The following TULP3 variants were observed in gnomAD, a reference collection of about 807,000 sequenced individuals.
The protein encoded by TULP3 is TUB like protein 3, also known as tubby-related protein 3.
TULP3 carries 38 observed loss-of-function variants against 50.7 expected under a neutral mutation model. That is an observed-to-expected ratio of 0.75 (90% CI 0.58 to 0.98). The LOEUF (loss-of-function observed/expected upper bound fraction) is 0.98. TULP3 is among the 50% of genes least tolerant of loss of function. TULP3 has a pLI of 0.00. For missense variants in TULP3, 550 were observed against 568.0 expected (o/e 0.97, Z 0.32); for synonymous variants, 183 against 196.6 (o/e 0.93, Z 0.58).
intron 1 of TULP3, among the ~76,000 whole-genome samples, chr12:2,905,386 A>G (rs1300741754): frequency 1.3e-5 from 2 of 151,810 alleles, no homozygotes; most frequent in Non-Finnish European, 2.9e-5. Context: ...GGGTTTCACC[A>G]TGTTGGCCAG....
chr12:2,905,898 T>A (rs530339426), intron 1 of TULP3, among the ~76,000 whole-genome samples: 44 of 152,022 alleles, frequency 2.9e-4, no homozygotes, highest in African/African-American at 1.0e-3. Flanking sequence ...TGGTTTAGTG[T>A]TGAGAACAGA....
At chr12:2,933,751 G>C (rs2153950381) in intron 7 of TULP3, among the ~76,000 whole-genome samples, 1 of 152,190 alleles carries the variant, frequency 6.6e-6, no homozygotes, top group East Asian at 1.9e-4. Flanking sequence ...AGGAGTTGGA[G>C]TCCAGCCTGG....
intron 1 of TULP3, among the ~76,000 whole-genome samples, chr12:2,895,258 C>A (rs2098174829): frequency 6.6e-6 from 1 of 152,192 alleles, no homozygotes; most frequent in African/African-American, 2.4e-5. Context: ...TCCCTCTCCC[C>A]AGGCAGTTCT....
chr12:2,914,632 G>T lies in TULP3; in HGVS notation c.93+5052G>T, dbSNP rs899113500. Among the ~76,000 whole-genome samples, 3 of 152,090 alleles carry T rather than the reference G, an allele frequency of 2.0e-5. No individual in the cohort carries two copies. The East Asian group carries it at 5.8e-4, about 29-fold the overall frequency. ...CTTTTATTTTTACCAGTTTCACTAGGATACTCTTTCTTGTTTTTGAGGAGA... is the reference window on the plus strand; with the variant it reads ...CTTTTATTTTTACCAGTTTCACTAGTATACTCTTTCTTGTTTTTGAGGAGA... On this transcript the variant is annotated intron_variant, in intron 2 of 10. Transcript: ENST00000448120.
intron 1 of TULP3, among the ~76,000 whole-genome samples, chr12:2,891,517 G>T (rs528164773): frequency 6.6e-6 from 1 of 152,284 alleles, no homozygotes; most frequent in South Asian, 2.1e-4. Flanking sequence ...TCCCTGATTC[G>T]GGATGGTCTG....
chr12:2,915,545 G>GTT lies in TULP3; in HGVS notation c.94-5207_94-5206dup, dbSNP rs11453949. Among the ~76,000 whole-genome samples the GTT allele has an allele frequency of 4.1e-3, 597 of 144,628 alleles. 1 individual carries two copies. Among genetic ancestry groups the GTT allele is most frequent in the South Asian group, 6.5e-3 (30 of 4,650 alleles). The allele number at this position is 144,628 out of a possible 152,430, so 94.9% of individuals were successfully genotyped here. On this transcript the variant is annotated intron_variant, in intron 2 of 10. Transcript: ENST00000448120. Reference sequence around the variant, plus strand: ...GAGATTAAGTTAGTTTTTTTATTTTGTTTTTTTTTTTTGAAACAGAGTCTC... The same window carrying GTT: ...GAGATTAAGTTAGTTTTTTTATTTTGTTTTTTTTTTTTTTGAAACAGAGTCTC...
intron 1 of TULP3, among the ~76,000 whole-genome samples, chr12:2,900,602 CT>C (rs10664124): frequency 4.7e-5 from 7 of 149,684 alleles, no homozygotes; most frequent in Admixed American, 6.7e-5. Flanking sequence ...TTGAATAATA[CT>C]TTTTTTTTTA....
Position 2,939,926 on chromosome 12 carries a change from T to C in TULP3, c.*482T>C. On this transcript the variant is annotated 3_prime_UTR_variant, in exon 11 of 11. Transcript: ENST00000448120. This position sits in a 1 kb window ranked among gnomAD's most constrained non-coding sequence, Gnocchi z 4.0. Reference sequence around the variant, plus strand: ...CAGGGAGATTCTTGTCACATTGGGGTCTCCAAAGCTAGAATGGGATTTCAT... The same window carrying C: ...CAGGGAGATTCTTGTCACATTGGGGCCTCCAAAGCTAGAATGGGATTTCAT... 7.9e-7 allele frequency: 1 copy of C among 1,265,038 alleles called. No homozygotes were observed. Among genetic ancestry groups the C allele is most frequent in the South Asian group, 1.3e-5 (1 of 79,362 alleles). The allele number at this position is 1,265,038 out of a possible 1,614,324, so 78.4% of individuals were successfully genotyped here.
At chr12:2,907,332 C>T (rs764465593) in intron 1 of TULP3, among the ~76,000 whole-genome samples, 47 of 151,928 alleles carry the variant, frequency 3.1e-4, no homozygotes, top group Non-Finnish European at 5.9e-4. Context: ...AAAATTAGCC[C>T]GGTGTAGCAA....
chr12:2,922,134 G>A, intron 3 of TULP3, 128 bp from the exon 4 acceptor site: 5 of 1,121,736 alleles, frequency 4.5e-6, no homozygotes, highest in Non-Finnish European at 6.3e-6. Flanking sequence ...TGTTCTTATG[G>A]ATGTTAAGAA....
intron 1 of TULP3, among the ~76,000 whole-genome samples, chr12:2,900,534 C>T (rs1242909641): frequency 3.3e-5 from 5 of 152,046 alleles, no homozygotes; most frequent in South Asian, 2.1e-4. Flanking sequence ...CTACCCTTGT[C>T]AGCTGATGTC....
At chr12:2,938,000 A>T (rs2098202472) in intron 9 of TULP3, 114 bp from the exon 10 acceptor site, 2 of 1,204,450 alleles carry the variant, frequency 1.7e-6, no homozygotes, top group Admixed American at 4.8e-5. Flanking sequence ...GTTGGCTTTC[A>T]TTCTTCGCTT....
intron 1 of TULP3, among the ~76,000 whole-genome samples, chr12:2,896,589 C>T (rs2153947551): frequency 6.6e-6 from 1 of 152,216 alleles, no homozygotes; most frequent in South Asian, 2.1e-4. Context: ...AAATTGCTTT[C>T]CTGTGATGTG....
intron 4 of TULP3, 41 bp downstream of exon 4, chr12:2,922,443 C>T (rs191396539): frequency 3.7e-5 from 59 of 1,591,566 alleles, no homozygotes; most frequent in Non-Finnish European, 4.4e-5. Flanking sequence ...TGTCTCCTTA[C>T]TCAATTGTAA....
chr12:2,891,387 G>A (rs1382547910), intron 1 of TULP3, among the ~76,000 whole-genome samples: 2 of 152,196 alleles, frequency 1.3e-5, no homozygotes, highest in Non-Finnish European at 2.9e-5. Context: ...AGGCGGTGCG[G>A]GTGATGTTTA....
chr12:2,927,309 ATGT>A (rs2098195246), intron 4 of TULP3, among the ~76,000 whole-genome samples: 2 of 151,440 alleles, frequency 1.3e-5, no homozygotes, highest in South Asian at 2.1e-4. Context: ...GTTAGGAATA[ATGT>A]TGTTATCAAC....
At position 2,929,165 on chromosome 12, in the gene TULP3, A is replaced by G. The variant is rs1005681297; in HGVS notation, c.395-1083A>G. 2.6e-5 allele frequency among the ~76,000 whole-genome samples: 4 copies of G among 151,852 alleles called. No homozygotes were observed. In the East Asian group the frequency reaches 7.8e-4, roughly 30 times the overall value. On this transcript the variant is annotated intron_variant, in intron 4 of 10. Transcript: ENST00000448120. ...AACCCCGTCTCTACTAAAAATACAA[A>G]AATTAGCCGGGCATGGTGGCGCGCG...
chr12:2,906,797 T>G (rs554502723), intron 1 of TULP3, among the ~76,000 whole-genome samples: 2 of 151,062 alleles, frequency 1.3e-5, no homozygotes, highest in African/African-American at 4.9e-5. Context: ...ACGCCTGTAA[T>G]CCCAGCTGCT....
At chr12:2,900,602 C>CTT (rs10664124) in intron 1 of TULP3, among the ~76,000 whole-genome samples, 69,630 of 149,614 alleles carry the variant, frequency 0.47, 16,234 homozygotes, top group East Asian at 0.56. Flanking sequence ...TTGAATAATA[C>CTT]TTTTTTTTTT....
Sources: gnomAD v4.1 joint callset for allele counts (sites outside exome capture counted in the v4.1 genomes callset) on GRCh38, gnomAD v4.1.1 for gene constraint, Gnocchi (gnomAD v3.1) non-coding constraint, MANE v1.5 for transcripts, NCBI Gene and HGNC (gene_info 2026-07-23, HGNC 2026-07-21) for gene names.